Variants in LRRC69 observed in about 807,000 individuals in gnomAD.
The protein encoded by LRRC69 is leucine-rich repeat-containing protein 69.
A neutral mutation model predicts 37.8 loss-of-function variants in LRRC69; 42 were observed. The ratio of observed to expected loss-of-function variants is 1.11; its 90% CI spans 0.87 to 1.44. The LOEUF is 1.44. Ranked by LOEUF, LRRC69 falls within the 40% of genes most tolerant of loss-of-function variation. The probability of loss-of-function intolerance (pLI) is 0.00; values close to 1 mark genes in which losing one functional copy is unlikely to be tolerated. For missense variants in LRRC69, 357 were observed against 401.9 expected (o/e 0.89, Z 0.96); for synonymous variants, 141 against 143.1 (o/e 0.99, Z 0.11).
chr8:91,192,811 A>G (rs1809523866), intron 6 of LRRC69, among the ~76,000 whole-genome samples: 1 of 149,434 alleles, frequency 6.7e-6, no homozygotes, highest in Non-Finnish European at 1.5e-5. Context: ...GTTCACTCTG[A>G]TAGTAGTTTC....
chr8:91,174,341 G>T (rs1422399551), intron 5 of LRRC69, among the ~76,000 whole-genome samples: 2 of 152,096 alleles, frequency 1.3e-5, no homozygotes. Flanking sequence ...AAGCATTCAA[G>T]AACCCCTTAA....
chr8:91,110,715 A>G (rs551672472), intron 1 of LRRC69, among the ~76,000 whole-genome samples: 1 of 152,124 alleles, frequency 6.6e-6, no homozygotes, highest in South Asian at 2.1e-4. Context: ...AATAAGTAGC[A>G]TAGAGTTTTC....
intron 6 of LRRC69, among the ~76,000 whole-genome samples, chr8:91,197,784 A>G (rs1429060299): frequency 1.3e-5 from 2 of 151,536 alleles, no homozygotes; most frequent in African/African-American, 4.9e-5. Flanking sequence ...TCAGATGGAA[A>G]TGCAGAAATC....
chr8:91,134,741 T>G (rs1371652586), intron 4 of LRRC69, among the ~76,000 whole-genome samples: 4 of 152,092 alleles, frequency 2.6e-5, no homozygotes, highest in South Asian at 4.1e-4. Context: ...GGAACATCAT[T>G]TGTTCCAAAT....
At chr8:91,171,069 A>G (rs996759409) in intron 5 of LRRC69, among the ~76,000 whole-genome samples, 9 of 151,474 alleles carry the variant, frequency 5.9e-5, no homozygotes, top group Non-Finnish European at 1.3e-4. Context: ...AAAACAAACA[A>G]CCCCATCAAA....
At chr8:91,169,891 T>C (rs1017776338) in intron 5 of LRRC69, among the ~76,000 whole-genome samples, 1 of 124,912 alleles carries the variant, frequency 8.0e-6, no homozygotes, top group African/African-American at 3.2e-5. Context: ...CCATGGTGTA[T>C]ATGTGCCACA....
chr8:91,214,720 G>C (rs925187252), intron 7 of LRRC69, among the ~76,000 whole-genome samples: 1 of 152,080 alleles, frequency 6.6e-6, no homozygotes, highest in Non-Finnish European at 1.5e-5. Context: ...TGCTTTTCAA[G>C]TCCTGCTAAT....
chr8:91,157,583 CA>C, intron 5 of LRRC69: 1 of 1,541,266 alleles, frequency 6.5e-7, no homozygotes, highest in Non-Finnish European at 8.9e-7. Flanking sequence ...AGAATGTTTA[CA>C]ACTGCACCTG....
At chr8:91,192,555 G>A (rs550868055) in intron 6 of LRRC69, among the ~76,000 whole-genome samples, 38 of 151,412 alleles carry the variant, frequency 2.5e-4, no homozygotes, top group African/African-American at 8.7e-4. Flanking sequence ...GTGTGAGATG[G>A]TATCTCATTG....
At chr8:91,150,624 C>A (rs538618302) in intron 5 of LRRC69, among the ~76,000 whole-genome samples, 7,935 of 152,050 alleles carry the variant, frequency 0.052, 299 homozygotes, top group Middle Eastern at 0.16. Flanking sequence ...AGGATTCTCT[C>A]TTTTTCTACT....
intron 5 of LRRC69, among the ~76,000 whole-genome samples, chr8:91,150,813 G>C (rs919243123): frequency 3.3e-5 from 5 of 151,894 alleles, no homozygotes; most frequent in African/African-American, 1.2e-4. Flanking sequence ...TTTAGTCTTG[G>C]GAGAGTGTAT....
At chr8:91,129,803 A>G (rs531767066) in intron 3 of LRRC69, among the ~76,000 whole-genome samples, 1 of 151,504 alleles carries the variant, frequency 6.6e-6, no homozygotes, top group Non-Finnish European at 1.5e-5. Context: ...CTTCCTTGTC[A>G]TCTCTCTCTG....
At chr8:91,206,646 A>C in intron 7 of LRRC69, 4 of 1,283,910 alleles carry the variant, frequency 3.1e-6, no homozygotes, top group Non-Finnish European at 4.1e-6. Context: ...ATTCCCTCTC[A>C]AAACCATCTG....
At chr8:91,102,722 T>G (rs1262086175) in exon 1 of LRRC69, 9 of 1,551,574 alleles carry the variant, frequency 5.8e-6, no homozygotes, top group Non-Finnish European at 7.8e-6. Context: ...GATCATTACT[T>G]TGAATGGGAA....
chr8:91,157,312 C>T (rs1808853462), intron 5 of LRRC69: 1 of 1,608,266 alleles, frequency 6.2e-7, no homozygotes, highest in African/African-American at 1.3e-5. Context: ...CCATGTGGCA[C>T]CCACAGAAAC....
chr8:91,170,476 G>A (rs1390770161), intron 5 of LRRC69, among the ~76,000 whole-genome samples: 161 of 119,062 alleles, frequency 1.4e-3, no homozygotes, highest in African/African-American at 5.3e-3. Flanking sequence ...CAAAGCTGGA[G>A]GCATCACACT....
chr8:91,145,285 C>T (rs1808598304), intron 5 of LRRC69, among the ~76,000 whole-genome samples: 1 of 151,918 alleles, frequency 6.6e-6, no homozygotes, highest in African/African-American at 2.4e-5. Context: ...TGGTCAAGAA[C>T]ATCCCTGAAT....
chr8:91,173,614 G>A (rs1449361855), intron 5 of LRRC69, among the ~76,000 whole-genome samples: 1 of 152,036 alleles, frequency 6.6e-6, no homozygotes, highest in Non-Finnish European at 1.5e-5. Flanking sequence ...TAATCCATCT[G>A]GGCTGCTATA....
rs552787820 is a variant in LRRC69 at position 91,116,588 on chromosome 8, A to T, written c.184-7905A>T. ...GTGCATATGTATGATCATTCTGAGC[A>T]ATAGTAAATTCCTTTTAAAGATGCG... On this transcript the variant is annotated intron_variant, in intron 1 of 7. Transcript: ENST00000448384. Among the ~76,000 whole-genome samples, 4 of 152,052 alleles carry T rather than the reference A, an allele frequency of 2.6e-5. No individual in the cohort carries two copies. The East Asian group carries it at 7.7e-4, about 29-fold the overall frequency.
Sources: gnomAD v4.1 joint callset for allele counts (sites outside exome capture counted in the v4.1 genomes callset) on GRCh38, gnomAD v4.1.1 for gene constraint, MANE v1.5 for transcripts, NCBI Gene and HGNC (gene_info 2026-07-23, HGNC 2026-07-21) for gene names.